The following HERC2 variants were observed in gnomAD, a reference collection of about 807,000 sequenced individuals.
HERC2 encodes HECT and RLD domain containing E3 ubiquitin protein ligase 2, also known as E3 ubiquitin-protein ligase HERC2.
A neutral mutation model predicts 537.7 loss-of-function variants in HERC2; 102 were observed. The ratio of observed to expected loss-of-function variants is 0.19; its 90% CI spans 0.16 to 0.22. HERC2 has a LOEUF of 0.22. Ranked by LOEUF, HERC2 falls within the 10% of genes least tolerant of loss-of-function variation. The pLI is 1.00. For missense variants in HERC2, 4,236 were observed against 6,198.2 expected, an observed-to-expected ratio of 0.68 and a Z score of 10.63; for synonymous variants, 2,224 against 2,466.2, an observed-to-expected ratio of 0.90 and a Z score of 2.91.
At chr15:28,289,973 A>C (rs181970345) in intron 4 of HERC2, among the ~76,000 whole-genome samples, 33 of 150,940 alleles carry the variant, frequency 2.2e-4, no homozygotes, top group Non-Finnish European at 3.8e-4. Context: ...GTGAGAGGAC[A>C]ACACACCTCA....
At position 28,262,944 on chromosome 15, in the gene HERC2, T is replaced by A; in HGVS notation, c.2096A>T (p.Tyr699Phe). Residue 699 changes from tyrosine to phenylalanine, a missense_variant, in exon 15 of 93, where the codon TAT becomes TTT. This residue lies in a region of HERC2 where 754 missense variants were observed against 1,085.0 expected (regional missense o/e 0.69). Coordinates refer to ENST00000261609, the MANE Select transcript of HERC2 (RefSeq NM_004667.6). ...LGHGTEEHVR[Y>F]PKLLEGLQGK... ...TTGCAAGCCTTCTAAGAGTTTTGGA[T>A]AACGAACATGTTCCTCTGTTCCATG... 4 of 1,614,190 alleles carry A rather than the reference T, an allele frequency of 2.5e-6. No homozygotes were observed. Among genetic ancestry groups the A allele is most frequent in the African/African-American group, 2.7e-5 (2 of 75,074 alleles).
At chr15:28,274,264 C>T (rs376280253) in intron 7 of HERC2, 27 bp downstream of exon 7, 8 of 1,612,116 alleles carry the variant, frequency 5.0e-6, no homozygotes, top group Admixed American at 3.3e-5. Flanking sequence ...TGTCTGCGTG[C>T]AGAAGGCAAG....
intron 55 of HERC2, among the ~76,000 whole-genome samples, chr15:28,189,343 C>T (rs1012188034): frequency 6.6e-6 from 1 of 152,102 alleles, no homozygotes; most frequent in Non-Finnish European, 1.5e-5. Flanking sequence ...TGATAATCTC[C>T]ATTGTTGATT....
At chr15:28,293,319 C>T (rs2076370664) in intron 3 of HERC2, among the ~76,000 whole-genome samples, 1 of 151,824 alleles carries the variant, frequency 6.6e-6, no homozygotes, top group Non-Finnish European at 1.5e-5. Flanking sequence ...CGGTGAAACC[C>T]CATCTCTACT....
At position 28,257,957 on chromosome 15, in the gene HERC2, T is replaced by C. The variant is rs577743304; in HGVS notation, c.2317-696A>G. 3.3e-5 allele frequency among the ~76,000 whole-genome samples: 5 copies of C among 152,108 alleles called. No homozygotes were observed. In the East Asian group the frequency reaches 7.8e-4, roughly 24 times the overall value. ...CCTCAGCCTCCCAAAGTGCTGGAAT[T>C]ACAAGCGTGAGCCACCGCACCTGGC... On this transcript the variant is annotated intron_variant, in intron 16 of 92. Transcript: ENST00000261609.
At chr15:28,182,662 T>C in intron 56 of HERC2, 150 bp from the exon 57 acceptor site, 1 of 637,754 alleles carries the variant, frequency 1.6e-6, no homozygotes, top group Non-Finnish European at 2.7e-6. Context: ...GAAAAAAACC[T>C]CAAGCATGTA....
rs115851654 is a variant in HERC2 at position 28,247,035 on chromosome 15, T to A, written c.3236-138A>T. 721 of 722,674 alleles carry A rather than the reference T, an allele frequency of 1.0e-3. 9 individuals carry two copies. The African/African-American group carries it at 0.012, about 12-fold the overall frequency. The allele number at this position is 722,674 out of a possible 1,614,324, so 44.8% of individuals were successfully genotyped here. A position where few individuals can be genotyped will look rare whatever the true frequency, so the allele number is the denominator to read the frequency against. On this transcript the variant is annotated intron_variant, in intron 21 of 92. Transcript: ENST00000261609. ...TTCTCAAACAGAAGCCTGTTAACCC[T>A]TGTCCTTGCGCTCTTTCTGTATCAT...
intron 69 of HERC2, 142 bp downstream of exon 69, chr15:28,162,952 A>C (rs1893764840): frequency 1.4e-6 from 1 of 700,592 alleles, no homozygotes; most frequent in East Asian, 2.5e-5. Context: ...TTTGCTCTAA[A>C]GGAGTGCTCC....
rs763375687 is a variant in HERC2 at position 28,238,155 on chromosome 15, G to A, written c.3811C>T (p.Arg1271Trp). Reference protein sequence around the residue: ...LEAALQFEDTRESMHAFCVGQ... With the variant: ...LEAALQFEDTWESMHAFCVGQ... ...ACACAAAACGCGTGCATGGATTCCC[G>A]GGTGTCTTCAAACTGCAAAGCAGCT... The change falls in exon 25 of 93, where the codon CGG becomes TGG. Residue 1271 changes from arginine to tryptophan, a missense_variant. This residue lies in a region of HERC2 where 754 missense variants were observed against 1,085.0 expected (regional missense o/e 0.69). Coordinates refer to ENST00000261609, the MANE Select transcript of HERC2 (RefSeq NM_004667.6). 5.6e-6 allele frequency: 9 copies of A among 1,611,838 alleles called. No homozygotes were observed. The highest frequency in any genetic ancestry group is 2.7e-5 in the African/African-American group (2 of 74,938).
intron 78 of HERC2, among the ~76,000 whole-genome samples, chr15:28,137,121 G>A (rs1257167609): frequency 6.6e-6 from 1 of 152,012 alleles, no homozygotes; most frequent in Non-Finnish European, 1.5e-5. Flanking sequence ...TTGGGAGGAG[G>A]GGAAAATACT....
chr15:28,217,820 A>C (rs1453517422), intron 38 of HERC2, among the ~76,000 whole-genome samples: 1 of 152,100 alleles, frequency 6.6e-6, no homozygotes, highest in Non-Finnish European at 1.5e-5. Context: ...AGAGACTGGC[A>C]CAATGCGTCC....
At chr15:28,240,569 T>C (rs969387639) in intron 23 of HERC2, among the ~76,000 whole-genome samples, 4 of 152,248 alleles carry the variant, frequency 2.6e-5, no homozygotes, top group Non-Finnish European at 5.9e-5. Context: ...AAAATTTTCA[T>C]AATAAACAGA....
At position 28,169,643 on chromosome 15, in the gene HERC2, T is replaced by A. The variant is rs755097465; in HGVS notation, c.10070A>T (p.Asp3357Val). 6.2e-7 allele frequency: 1 copy of A among 1,611,666 alleles called. No homozygotes were observed. Among genetic ancestry groups the A allele is most frequent in the Non-Finnish European group, 8.5e-7 (1 of 1,179,298 alleles). Residue 3357 changes from aspartate to valine, a missense_variant, in exon 66 of 93, where the codon GAT (aspartate) becomes GTT (valine). By Grantham distance (152) the Asp-to-Val change is radical. This residue lies in a region of HERC2 where 356 missense variants were observed against 450.9 expected (regional missense o/e 0.79). Coordinates refer to ENST00000261609, the MANE Select transcript of HERC2 (RefSeq NM_004667.6). ...LGASYLGVPS[D>V]ADSSAASNKI... ...ATTACTGGCAGCAGAAGAATCAGCA[T>A]CTGAAGGCACGCCTATAAGAGGAAA...
chr15:28,305,467 C>T (rs1351694413), intron 2 of HERC2, among the ~76,000 whole-genome samples: 3 of 128,534 alleles, frequency 2.3e-5, no homozygotes, highest in Non-Finnish European at 3.4e-5. Context: ...GGAAAACTGG[C>T]TAGCCATATG....
chr15:28,188,413 AG>A (rs1896521623), intron 55 of HERC2, among the ~76,000 whole-genome samples: 1 of 152,032 alleles, frequency 6.6e-6, no homozygotes, highest in African/African-American at 2.4e-5. Context: ...GCATGGTGGC[AG>A]GCGCCTATAG....
intron 76 of HERC2, 142 bp from the exon 77 acceptor site, chr15:28,141,988 C>T (rs1232287062): frequency 2.7e-6 from 2 of 750,462 alleles, no homozygotes; most frequent in Non-Finnish European, 4.5e-6. Flanking sequence ...TGGGCAAAAC[C>T]AATAATGACT....
intron 2 of HERC2, among the ~76,000 whole-genome samples, chr15:28,304,702 A>AT (rs780900477): frequency 0.095 from 10,279 of 107,894 alleles, 44 homozygotes; most frequent in East Asian, 0.36. Context: ...AAGGGCTTCC[A>AT]TTTTTTTTTT....
chr15:28,151,274 A>C (rs573050017), intron 70 of HERC2, among the ~76,000 whole-genome samples: 1 of 152,298 alleles, frequency 6.6e-6, no homozygotes, highest in East Asian at 1.9e-4. Context: ...TAACAGAAGA[A>C]GTACAGACCC....
intron 5 of HERC2, among the ~76,000 whole-genome samples, chr15:28,277,404 G>A (rs570789196): frequency 6.7e-6 from 1 of 148,702 alleles, no homozygotes; most frequent in Non-Finnish European, 1.5e-5. Flanking sequence ...GCAACGGGAC[G>A]AACAGTACAA....
Sources: allele counts gnomAD v4.1 joint callset (sites outside exome capture counted in the v4.1 genomes callset), GRCh38; gene constraint gnomAD v4.1.1; regional missense constraint gnomAD v4.1.1; transcripts MANE v1.5; gene names NCBI Gene and HGNC (gene_info 2026-07-23, HGNC 2026-07-21).